The following OSTF1 variants were observed in gnomAD, a reference collection of about 807,000 sequenced individuals.
The protein encoded by OSTF1 is osteoclast stimulating factor 1, also known as osteoclast-stimulating factor 1.
A neutral mutation model predicts 37.2 loss-of-function variants in OSTF1; 27 were observed. That is an observed-to-expected ratio of 0.73 (90% CI 0.54 to 1.00). The LOEUF (loss-of-function observed/expected upper bound fraction) is 1.00, where lower values mean the gene tolerates loss of function less well. Among genes scored for constraint, OSTF1 ranks in the 50% least tolerant of loss-of-function variants. The pLI, the probability that OSTF1 is intolerant of heterozygous loss-of-function variation, is 0.00. For synonymous variants in OSTF1, 82 were observed against 89.2 expected, an observed-to-expected ratio of 0.92 and a Z score of 0.46; for missense variants, 232 against 253.8, an observed-to-expected ratio of 0.91 and a Z score of 0.58.
At chr9:75,097,156 G>A (rs564586560) in intron 1 of OSTF1, among the ~76,000 whole-genome samples, 1 of 152,204 alleles carries the variant, frequency 6.6e-6, no homozygotes, top group South Asian at 2.1e-4. Flanking sequence ...ACTTAAAATT[G>A]TTTTCGACCA....
chr9:75,114,152 A>G (rs1339584628), intron 1 of OSTF1, among the ~76,000 whole-genome samples: 1 of 145,562 alleles, frequency 6.9e-6, no homozygotes, highest in Non-Finnish European at 1.5e-5. Flanking sequence ...ATAGTATTCT[A>G]TTGTGTGTGT....
chr9:75,137,592 A>G lies in OSTF1; in HGVS notation c.463A>G (p.Ile155Val), dbSNP rs1311359848. 7 of 1,612,940 alleles carry G rather than the reference A, an allele frequency of 4.3e-6. No individual in the cohort carries two copies. The highest frequency in any genetic ancestry group is 5.9e-6 in the Non-Finnish European group (7 of 1,178,912). The change falls in exon 8 of 10, where the codon ATC becomes GTC. Residue 155 changes from isoleucine to valine, a missense_variant. Coordinates refer to ENST00000346234, the MANE Select transcript of OSTF1 (RefSeq NM_012383.5). ...TGCTGCCTGGAAGGGTTATGCAGAT[A>G]TCGTCCAGTTGCTTCTGGCAAAAGG... ...HAAAWKGYAD[I>V]VQLLLAKGAR...
At chr9:75,126,200 C>T (rs1332515903) in intron 2 of OSTF1, among the ~76,000 whole-genome samples, 1 of 152,186 alleles carries the variant, frequency 6.6e-6, no homozygotes, top group Admixed American at 6.5e-5. Context: ...CAGGCATGAG[C>T]TACCACGCCT....
intron 1 of OSTF1, among the ~76,000 whole-genome samples, chr9:75,100,271 G>C (rs1329857390): frequency 6.6e-6 from 1 of 152,174 alleles, no homozygotes; most frequent in Non-Finnish European, 1.5e-5. Context: ...ACAGTAAATA[G>C]TTCTGCAGGC....
chr9:75,141,282 G>A (rs191682823), intron 9 of OSTF1, among the ~76,000 whole-genome samples: 16 of 117,556 alleles, frequency 1.4e-4, no homozygotes, highest in African/African-American at 5.3e-4. Context: ...GCCTGGGTGA[G>A]AGCAAGACCA....
At position 75,119,965 on chromosome 9, in the gene OSTF1, T is replaced by TA. The variant is rs201097240; in HGVS notation, c.81+2428dup. Among the ~76,000 whole-genome samples, 768 of 136,550 alleles carry TA rather than the reference T, an allele frequency of 5.6e-3. 6 individuals carry two copies. Among genetic ancestry groups the TA allele is most frequent in the Non-Finnish European group, 7.0e-3 (435 of 61,842 alleles). The allele number at this position is 136,550 out of a possible 152,430, so 89.6% of individuals were successfully genotyped here. On this transcript the variant is annotated intron_variant, in intron 2 of 9. Transcript: ENST00000346234. ...GCGACAGAGTGAGACTCCGTCTTAA[T>TA]AAAAAAAAAAAAAGATATGAGTCAT...
chr9:75,132,962 T>TACACAC (rs1242050180), intron 5 of OSTF1, among the ~76,000 whole-genome samples: 2 of 97,702 alleles, frequency 2.0e-5, no homozygotes, highest in African/African-American at 9.5e-5. Flanking sequence ...TATATACACA[T>TACACAC]ACACACACAT....
intron 4 of OSTF1, among the ~76,000 whole-genome samples, chr9:75,131,543 A>G (rs1270892147): frequency 6.6e-6 from 1 of 152,152 alleles, no homozygotes; most frequent in Non-Finnish European, 1.5e-5. Context: ...TTACTATGTT[A>G]TTGCCTTATT....
intron 1 of OSTF1, among the ~76,000 whole-genome samples, chr9:75,104,271 G>A (rs1024310667): frequency 1.3e-5 from 2 of 151,992 alleles, no homozygotes; most frequent in African/African-American, 4.8e-5. Context: ...ATGGCCAGGT[G>A]CAGTGGCTCA....
At chr9:75,138,206 C>T (rs1392360978) in intron 8 of OSTF1, among the ~76,000 whole-genome samples, 1 of 152,172 alleles carries the variant, frequency 6.6e-6, no homozygotes, top group African/African-American at 2.4e-5. Flanking sequence ...TCACCTATAC[C>T]ATACTCTAGT....
In OSTF1 at chr9:75,123,810, G is replaced by C. The variant is rs554994671; in HGVS notation, c.82-3759G>C. Among the ~76,000 whole-genome samples, 248 of 152,256 alleles carry C rather than the reference G, an allele frequency of 1.6e-3. 3 individuals are homozygous for C. The highest frequency in any genetic ancestry group is 1.9e-3 in the Non-Finnish European group (130 of 68,020). ...ATAAACTGTCGACTGTAATTTCTCGGGATGAAAAAATGAGGTCACTTTTTG... is the reference window on the plus strand; with the variant it reads ...ATAAACTGTCGACTGTAATTTCTCGCGATGAAAAAATGAGGTCACTTTTTG... On this transcript the variant is annotated intron_variant, in intron 2 of 9. Coordinates refer to ENST00000346234, the MANE Select transcript of OSTF1 (RefSeq NM_012383.5).
chr9:75,141,312 CAAAAAAAAAAAAAAAAA>C (rs529293090), intron 9 of OSTF1, among the ~76,000 whole-genome samples: 3 of 71,680 alleles, frequency 4.2e-5, no homozygotes, highest in Non-Finnish European at 7.5e-5. Flanking sequence ...AAAAGAAAAC[CAAAAAAAAAAAAAAAAA>C]AAAAAAAAAA....
intron 3 of OSTF1, among the ~76,000 whole-genome samples, chr9:75,128,387 T>TTTTGTCC (rs1439910491): frequency 2.2e-5 from 2 of 91,736 alleles, no homozygotes; most frequent in African/African-American, 9.0e-5. Context: ...TATATATATA[T>TTTTGTCC]ATATATATAT....
intron 8 of OSTF1, among the ~76,000 whole-genome samples, chr9:75,137,993 G>A (rs998169245): frequency 2.0e-5 from 3 of 152,220 alleles, no homozygotes; most frequent in African/African-American, 7.2e-5. Flanking sequence ...TTCTCACAGG[G>A]AAGTCTTGAC....
intron 9 of OSTF1, among the ~76,000 whole-genome samples, chr9:75,141,312 C>CAA (rs529293090): frequency 9.8e-5 from 7 of 71,678 alleles, no homozygotes; most frequent in Non-Finnish European, 1.5e-4. Flanking sequence ...AAAAGAAAAC[C>CAA]AAAAAAAAAA....
chr9:75,146,633 A>C, intron 9 of OSTF1, 50 bp from the exon 10 acceptor site: 1 of 1,187,402 alleles, frequency 8.4e-7, no homozygotes, highest in Non-Finnish European at 1.3e-6. Flanking sequence ...ATAAAATCTG[A>C]GCAGTTTATA....
intron 2 of OSTF1, among the ~76,000 whole-genome samples, chr9:75,122,249 T>C (rs543537613): frequency 1.1e-4 from 16 of 152,336 alleles, no homozygotes; most frequent in African/African-American, 3.4e-4. Flanking sequence ...GTTGCTGGGC[T>C]GCACTAGGTT....
At chr9:75,115,956 T>C (rs909701452) in intron 1 of OSTF1, among the ~76,000 whole-genome samples, 2 of 151,882 alleles carry the variant, frequency 1.3e-5, no homozygotes, top group Non-Finnish European at 2.9e-5. Flanking sequence ...ATATAAAAAT[T>C]AGCTGGGTAT....
chr9:75,138,223 G>A (rs1825873743), intron 8 of OSTF1, among the ~76,000 whole-genome samples: 1 of 152,176 alleles, frequency 6.6e-6, no homozygotes. Flanking sequence ...TAGTCCAGAA[G>A]CCTATCATGT....
Sources: gnomAD v4.1 joint callset for allele counts (sites outside exome capture counted in the v4.1 genomes callset) on GRCh38, gnomAD v4.1.1 for gene constraint, MANE v1.5 for transcripts, NCBI Gene and HGNC (gene_info 2026-07-23, HGNC 2026-07-21) for gene names.